BTRC: variants seen among roughly 807,000 people sequenced by gnomAD.
The protein encoded by BTRC is beta-transducin repeat containing E3 ubiquitin protein ligase.
In BTRC, 42 loss-of-function variants were observed where a neutral mutation model predicts 85.5. The observed-to-expected ratio is 0.49, with a 90% CI of 0.38 to 0.64. The LOEUF (loss-of-function observed/expected upper bound fraction) is 0.64, where lower values mean the gene tolerates loss of function less well. Ranked by LOEUF, BTRC falls within the 30% of genes least tolerant of loss-of-function variation. The pLI is 0.00. For missense variants in BTRC, 594 were observed against 743.5 expected (o/e 0.80, Z 2.34); for synonymous variants, 255 against 263.3 (o/e 0.97, Z 0.30).
chr10:101,432,452 T>C (rs1202711379), intron 2 of BTRC, among the ~76,000 whole-genome samples: 1 of 152,148 alleles, frequency 6.6e-6, no homozygotes, highest in East Asian at 1.9e-4. Context: ...TAACTACATA[T>C]CATACTGACA....
chr10:101,521,663 A>C lies in BTRC; in HGVS notation c.349A>C (p.Ser117Arg), dbSNP rs1475668971. The change falls in exon 5 of 15, where the codon AGT (serine) becomes CGT (arginine). Residue 117 changes from serine (S) to arginine (R), a missense_variant. Ser to Arg is a moderately radical substitution (Grantham distance 110). Around this residue, in one of 4 missense-constraint regions of BTRC, gnomAD observed 163 missense variants for 180.5 expected, o/e 0.90. Transcript: ENST00000370187. ...AKTKLANGTSSMIVPKQRKLS... is the reference protein window; with the variant it reads ...AKTKLANGTSRMIVPKQRKLS... ...GACAAAACTTGCCAATGGCACTTCCAGTATGATTGTGCCCAAGCAACGGAA... is the reference window on the plus strand; with the variant it reads ...GACAAAACTTGCCAATGGCACTTCCCGTATGATTGTGCCCAAGCAACGGAA... 6.2e-7 allele frequency: 1 copy of C among 1,614,062 alleles called. No homozygotes were observed. Among genetic ancestry groups the C allele is most frequent in the Admixed American group, 1.7e-5 (1 of 60,008 alleles).
chr10:101,529,561 G>A (rs9420858), intron 6 of BTRC, among the ~76,000 whole-genome samples: 45,049 of 152,118 alleles, frequency 0.3, 7,982 homozygotes, highest in Middle Eastern at 0.47. Context: ...ACAGAGAAAT[G>A]TACCATTAAT....
chr10:101,546,710 G>A (rs1159940713), intron 13 of BTRC, among the ~76,000 whole-genome samples: 1 of 152,130 alleles, frequency 6.6e-6, no homozygotes, highest in African/African-American at 2.4e-5. Context: ...CAGTGAAATT[G>A]AAAACAGGAA....
At chr10:101,523,242 A>G (rs2062145738) in intron 5 of BTRC, among the ~76,000 whole-genome samples, 1 of 152,154 alleles carries the variant, frequency 6.6e-6, no homozygotes, top group Admixed American at 6.5e-5. Context: ...AATAAATTCT[A>G]CAGATGACTA....
At chr10:101,430,997 G>T (rs1471865472) in intron 2 of BTRC, among the ~76,000 whole-genome samples, 1 of 150,412 alleles carries the variant, frequency 6.6e-6, no homozygotes, top group Non-Finnish European at 1.5e-5. Flanking sequence ...GAGACCTTTA[G>T]GTACAGTATT....
At chr10:101,491,052 C>T (rs1193931943) in intron 4 of BTRC, among the ~76,000 whole-genome samples, 1 of 59,596 alleles carries the variant, frequency 1.7e-5, no homozygotes, top group Non-Finnish European at 3.6e-5. Context: ...GAGCAAGACT[C>T]TGTCTCAAAA....
At chr10:101,540,113 G>A (rs1037871830) in intron 13 of BTRC, among the ~76,000 whole-genome samples, 2 of 152,108 alleles carry the variant, frequency 1.3e-5, no homozygotes, top group African/African-American at 2.4e-5. Flanking sequence ...TTCAAAAAGC[G>A]GTTCTTAATT....
intron 4 of BTRC, among the ~76,000 whole-genome samples, chr10:101,501,750 T>C (rs1348340082): frequency 2.6e-5 from 4 of 152,220 alleles, no homozygotes; most frequent in African/African-American, 9.7e-5. Flanking sequence ...AGAAACTATT[T>C]CATGCTCTAA....
chr10:101,449,039 TA>T (rs942921855), intron 2 of BTRC, among the ~76,000 whole-genome samples: 2 of 151,816 alleles, frequency 1.3e-5, no homozygotes, highest in African/African-American at 4.8e-5. Flanking sequence ...GGAAAAAAAA[TA>T]ATGATTAAAC....
chr10:101,500,563 C>G (rs917595088), intron 4 of BTRC, among the ~76,000 whole-genome samples: 3 of 151,956 alleles, frequency 2.0e-5, no homozygotes, highest in African/African-American at 2.4e-5. Context: ...ATACTGGAAA[C>G]TGTGGGGAGG....
intron 1 of BTRC, among the ~76,000 whole-genome samples, chr10:101,405,944 A>G (rs1240468977): frequency 2.6e-5 from 4 of 152,174 alleles, no homozygotes; most frequent in African/African-American, 9.7e-5. Context: ...TTCTAGATAA[A>G]TCATTACATC....
intron 1 of BTRC, among the ~76,000 whole-genome samples, chr10:101,409,584 G>C (rs1943721143): frequency 6.6e-6 from 1 of 152,158 alleles, no homozygotes; most frequent in Non-Finnish European, 1.5e-5. Flanking sequence ...GTTATAGCTT[G>C]TTGCTCCCAG....
intron 13 of BTRC, among the ~76,000 whole-genome samples, chr10:101,547,439 C>CA (rs1272816154): frequency 7.2e-6 from 1 of 138,544 alleles, no homozygotes; most frequent in Non-Finnish European, 1.5e-5. Flanking sequence ...CTCCTGGGTG[C>CA]AAGCTATTCT....
At chr10:101,497,590 C>T (rs991479190) in intron 4 of BTRC, among the ~76,000 whole-genome samples, 1 of 151,958 alleles carries the variant, frequency 6.6e-6, no homozygotes, top group South Asian at 2.1e-4. Flanking sequence ...CCTGTAGTCC[C>T]AGCTATTCAG....
intron 1 of BTRC, among the ~76,000 whole-genome samples, chr10:101,401,825 G>A (rs1185698154): frequency 3.6e-5 from 5 of 138,596 alleles, no homozygotes; most frequent in Non-Finnish European, 7.6e-5. Flanking sequence ...GTGACAGAGC[G>A]AGACCTCATC....
intron 1 of BTRC, among the ~76,000 whole-genome samples, chr10:101,377,521 T>G (rs1017826615): frequency 6.6e-6 from 1 of 152,240 alleles, no homozygotes; most frequent in Non-Finnish European, 1.5e-5. Context: ...CTAGTTGATC[T>G]ACATCCGTGT....
intron 2 of BTRC, among the ~76,000 whole-genome samples, chr10:101,446,319 G>T (rs914803753): frequency 2.1e-4 from 32 of 152,162 alleles, no homozygotes; most frequent in African/African-American, 7.7e-4. Flanking sequence ...TGCCATTATT[G>T]TGAGGTTGTC....
intron 10 of BTRC, 54 bp downstream of exon 10, chr10:101,534,964 A>G: frequency 6.3e-7 from 1 of 1,576,070 alleles, no homozygotes; most frequent in Non-Finnish European, 8.7e-7. Flanking sequence ...AATTCATATG[A>G]AAATTTGATC....
At chr10:101,378,850 G>T (rs547098577) in intron 1 of BTRC, among the ~76,000 whole-genome samples, 6 of 152,096 alleles carry the variant, frequency 3.9e-5, no homozygotes, top group African/African-American at 1.4e-4. Flanking sequence ...GAAAACATCC[G>T]CTTTGAAGCA....
Sources: gnomAD v4.1 joint callset for allele counts (sites outside exome capture counted in the v4.1 genomes callset) on GRCh38, gnomAD v4.1.1 for gene constraint, gnomAD v4.1.1 regional missense constraint, MANE v1.5 for transcripts, NCBI Gene and HGNC (gene_info 2026-07-23, HGNC 2026-07-21) for gene names.